The following GALK2 variants were observed in gnomAD, a reference collection of about 807,000 sequenced individuals.
GALK2 encodes the protein galactokinase 2.
In GALK2, 36 loss-of-function variants were observed where a neutral mutation model predicts 52.4. The observed-to-expected ratio is 0.69, with a 90% confidence interval of 0.53 to 0.91. GALK2 has a LOEUF of 0.91. Ranked by LOEUF, GALK2 falls within the 40% of genes least tolerant of loss-of-function variation. The probability of loss-of-function intolerance (pLI) is 0.00; values close to 1 mark genes in which losing one functional copy is unlikely to be tolerated. For missense variants in GALK2, 579 were observed against 559.1 expected (o/e 1.04, Z -0.36); for synonymous variants, 176 against 199.1 (o/e 0.88, Z 0.98).
intron 2 of GALK2, among the ~76,000 whole-genome samples, chr15:49,210,688 G>A (rs1042565682): frequency 2.0e-5 from 3 of 151,914 alleles, no homozygotes; most frequent in African/African-American, 4.8e-5. Flanking sequence ...TGATCCACCC[G>A]CCTCGGCCTC....
chr15:49,303,453 A>G (rs1033123453), intron 8 of GALK2, among the ~76,000 whole-genome samples: 9 of 152,200 alleles, frequency 5.9e-5, no homozygotes, highest in Non-Finnish European at 1.0e-4. Context: ...TTGTCCCACA[A>G]GGCTAATGGT....
chr15:49,317,104 A>G (rs1470902378), intron 8 of GALK2, among the ~76,000 whole-genome samples: 1 of 152,080 alleles, frequency 6.6e-6, no homozygotes, highest in Non-Finnish European at 1.5e-5. Context: ...AGCCCTTCAT[A>G]GAATTATAAA....
At chr15:49,317,178 A>T (rs2036489004) in intron 8 of GALK2, among the ~76,000 whole-genome samples, 1 of 152,170 alleles carries the variant, frequency 6.6e-6, no homozygotes, top group South Asian at 2.1e-4. Flanking sequence ...GAGGAAATAA[A>T]GGGAGCATTA....
chr15:49,208,329 C>G (rs1376572857), intron 2 of GALK2, among the ~76,000 whole-genome samples: 3 of 151,966 alleles, frequency 2.0e-5, no homozygotes, highest in Admixed American at 6.6e-5. Flanking sequence ...TAGCTGTATC[C>G]CAGAGGTTTT....
chr15:49,277,744 C>G (rs1397693659), intron 5 of GALK2, among the ~76,000 whole-genome samples: 2 of 150,634 alleles, frequency 1.3e-5, no homozygotes, highest in Non-Finnish European at 3.0e-5. Context: ...TGCAGTGAGC[C>G]GAGATTGAGC....
chr15:49,265,428 C>T (rs536905225), intron 5 of GALK2, among the ~76,000 whole-genome samples: 25 of 152,346 alleles, frequency 1.6e-4, no homozygotes, highest in Middle Eastern at 3.4e-3. Flanking sequence ...GTCGGAAAAG[C>T]GCAGTGTTGG....
intron 1 of GALK2, among the ~76,000 whole-genome samples, chr15:49,161,024 T>C (rs2084635842): frequency 6.6e-6 from 1 of 152,258 alleles, no homozygotes; most frequent in Admixed American, 6.5e-5. Context: ...TTCATAGTTT[T>C]ACTTTGTACT....
upstream of GALK2, among the ~76,000 whole-genome samples, chr15:49,168,544 C>T (rs1266565674): frequency 6.6e-6 from 1 of 152,018 alleles, no homozygotes; most frequent in Non-Finnish European, 1.5e-5. Flanking sequence ...CATGGTGAAA[C>T]CCCGTCTTTA....
In GALK2 at chr15:49,264,215, C is replaced by T. The variant is rs369182393; in HGVS notation, c.505-17772C>T. Reference sequence around the variant, plus strand: ...ATCACTTTCAGGTACACCAATCAGACGTAGATTTGGTCTTTTCACATAGTC... The same window carrying T: ...ATCACTTTCAGGTACACCAATCAGATGTAGATTTGGTCTTTTCACATAGTC... On this transcript the variant is annotated intron_variant, in intron 5 of 9. Transcript: ENST00000560031. Among the ~76,000 whole-genome samples, 64 of 151,872 alleles carry T rather than the reference C, an allele frequency of 4.2e-4. No individual in the cohort carries two copies. In the East Asian group the frequency reaches 7.4e-3, roughly 18 times the overall value.
In GALK2 at chr15:49,201,146, G is replaced by A. The variant is rs1400770838; in HGVS notation, c.54-16G>A. ...CTGTTATATGATATTCTGAAATATT[G>A]TACTTTTATTTTCAGGTTACTGAAG... On this transcript the variant is annotated splice_polypyrimidine_tract_variant and intron_variant, in intron 1 of 9. Coordinates refer to ENST00000560031, the MANE Select transcript of GALK2 (RefSeq NM_002044.4). 4.2e-6 allele frequency: 6 copies of A among 1,425,336 alleles called. No homozygotes were observed. The highest frequency in any genetic ancestry group is 3.9e-6 in the Non-Finnish European group (4 of 1,013,170). 88.3% of individuals were successfully genotyped at this position (1,425,336 alleles called of 1,614,324 possible). A position where few individuals can be genotyped will look rare whatever the true frequency, so the allele number is the denominator to read the frequency against.
intron 5 of GALK2, among the ~76,000 whole-genome samples, chr15:49,271,154 G>A (rs1338131848): frequency 6.6e-6 from 1 of 152,148 alleles, no homozygotes; most frequent in Non-Finnish European, 1.5e-5. Context: ...CCAGCCAAAG[G>A]AGTGACACCA....
chr15:49,362,369 G>T (rs572453587), intron 3 of GALK2, among the ~76,000 whole-genome samples: 9 of 152,262 alleles, frequency 5.9e-5, no homozygotes, highest in East Asian at 1.9e-4. Flanking sequence ...TGCTGTGATT[G>T]TAAGTTTCCT....
rs2085825321 is a variant in GALK2 at position 49,179,858 on chromosome 15, C to T, written c.53+9483C>T. ...TTAAGACACAAGGTCTTGTTGGTAG[C>T]TCACCTAGAGGTAAAATACAGCTAC... On this transcript the variant is annotated intron_variant, in intron 1 of 9. Coordinates refer to ENST00000560031, the MANE Select transcript of GALK2 (RefSeq NM_002044.4). Among the ~76,000 whole-genome samples, 6 of 152,012 alleles carry T rather than the reference C, an allele frequency of 3.9e-5. No homozygotes were observed. In the South Asian group the frequency reaches 1.2e-3, roughly 32 times the overall value.
At chr15:49,175,763 A>C (rs772809759) in intron 1 of GALK2, among the ~76,000 whole-genome samples, 9 of 152,152 alleles carry the variant, frequency 5.9e-5, no homozygotes, top group Non-Finnish European at 1.2e-4. Flanking sequence ...CCAGTGCCAC[A>C]CCCTGGGCCT....
intron 3 of GALK2, among the ~76,000 whole-genome samples, chr15:49,357,036 C>T (rs1189508731): frequency 0.025 from 3,774 of 151,130 alleles, 86 homozygotes; most frequent in African/African-American, 0.051. Flanking sequence ...TTGAAACCAA[C>T]GAGAACAAAG....
At chr15:49,292,242 A>C in intron 7 of GALK2, 85 bp from the exon 8 acceptor site, 2 of 1,237,096 alleles carry the variant, frequency 1.6e-6, no homozygotes. Flanking sequence ...AACAAAAAAC[A>C]GCTTAACGTT....
At chr15:49,247,785 C>T (rs1380274452) in intron 5 of GALK2, among the ~76,000 whole-genome samples, 1 of 152,202 alleles carries the variant, frequency 6.6e-6, no homozygotes, top group Non-Finnish European at 1.5e-5. Flanking sequence ...TATGTGTCAG[C>T]CAAGGCCTAG....
chr15:49,198,931 G>C (rs1363436989), intron 1 of GALK2: 4 of 146,682 alleles, frequency 2.7e-5, no homozygotes, highest in Non-Finnish European at 6.0e-5. Context: ...CCAGGCTAGA[G>C]TGCAGTGGCT....
rs758596429 is a variant in GALK2 at position 49,328,486 on chromosome 15, GAATTA to G, written c.*331_*335del. ...AATACTGATTACATGGATTGGACTT[GAATTA>G]AATATATTGTTACAATTAAACTGAT... On this transcript the variant is annotated 3_prime_UTR_variant, in exon 10 of 10. Coordinates refer to ENST00000560031, the MANE Select transcript of GALK2 (RefSeq NM_002044.4). The G allele has an allele frequency of 1.3e-6, 2 of 1,562,330 alleles. No individual in the cohort carries two copies. The highest frequency in any genetic ancestry group is 1.7e-6 in the Non-Finnish European group (2 of 1,152,312).
Sources: allele counts gnomAD v4.1 joint callset (sites outside exome capture counted in the v4.1 genomes callset), GRCh38; gene constraint gnomAD v4.1.1; transcripts MANE v1.5; gene names NCBI Gene and HGNC (gene_info 2026-07-23, HGNC 2026-07-21).